The following VPS36 variants were observed in gnomAD, a reference collection of about 807,000 sequenced individuals.
The protein encoded by VPS36 is vacuolar protein sorting 36 homolog.
Under a neutral mutation model 63.5 loss-of-function variants are expected in VPS36, and 31 were observed. The ratio of observed to expected loss-of-function variants is 0.49; its 90% confidence interval spans 0.37 to 0.66. The LOEUF is 0.66. VPS36 is among the 30% of genes least tolerant of loss of function. VPS36 has a pLI of 0.00. For synonymous variants in VPS36, 138 were observed against 157.2 expected, an observed-to-expected ratio of 0.88 and a Z score of 0.91; for missense variants, 338 against 463.7, an observed-to-expected ratio of 0.73 and a Z score of 2.49.
At chr13:52,425,265 A>AC (rs1958090521) in intron 9 of VPS36, among the ~76,000 whole-genome samples, 1 of 152,002 alleles carries the variant, frequency 6.6e-6, no homozygotes, top group Non-Finnish European at 1.5e-5. Context: ...AAAAAAAAAA[A>AC]AAAAAGAAAA....
At chr13:52,424,281 G>A (rs1193305399) in intron 9 of VPS36, among the ~76,000 whole-genome samples, 2 of 152,058 alleles carry the variant, frequency 1.3e-5, no homozygotes, top group Non-Finnish European at 2.9e-5. Flanking sequence ...AATTAAATAA[G>A]ACTATTACCA....
At chr13:52,433,115 A>G (rs1958176946) in intron 6 of VPS36, among the ~76,000 whole-genome samples, 1 of 152,228 alleles carries the variant, frequency 6.6e-6, no homozygotes, top group Non-Finnish European at 1.5e-5. Context: ...TTTTAGCTAG[A>G]GTTCTTTCCC....
At chr13:52,437,226 C>T (rs1958228343) in intron 3 of VPS36, among the ~76,000 whole-genome samples, 1 of 152,006 alleles carries the variant, frequency 6.6e-6, no homozygotes, top group African/African-American at 2.4e-5. Flanking sequence ...ATATGGTTAC[C>T]TAAAGATCAC....
intron 6 of VPS36, among the ~76,000 whole-genome samples, chr13:52,431,762 C>CAAAAAAAA (rs60968712): frequency 1.2e-4 from 8 of 67,924 alleles, no homozygotes; most frequent in Middle Eastern, 7.5e-3. Flanking sequence ...GACTCTGTCT[C>CAAAAAAAA]AAAAAAAAAA....
At chr13:52,418,465 C>G (rs1036569250) in intron 10 of VPS36, among the ~76,000 whole-genome samples, 2 of 150,114 alleles carry the variant, frequency 1.3e-5, no homozygotes, top group Admixed American at 1.3e-4. Context: ...ATCCCAGCTA[C>G]TCGAGAGGCT....
chr13:52,439,308 A>G (rs1436042716), intron 2 of VPS36, 140 bp from the exon 3 acceptor site: 1 of 664,060 alleles, frequency 1.5e-6, no homozygotes, highest in Admixed American at 3.1e-5. Context: ...TTTACTCCTT[A>G]AATGAACTTA....
chr13:52,417,120 G>A lies in VPS36; in HGVS notation c.927C>T (p.Gly309=), dbSNP rs199529310. ...GAGACTGAAGCTCAATTACCATGACGCCACTGTCAAACACACGGAGCCTGA... is the reference window on the plus strand; with the variant it reads ...GAGACTGAAGCTCAATTACCATGACACCACTGTCAAACACACGGAGCCTGA... The part of the protein sequence containing the change: ...LPLRLRVFDS[G]VMVIELQSHK... The change falls in exon 12 of 14, where the codon GGC becomes GGT. Residue 309 remains glycine, a synonymous_variant. Transcript: ENST00000378060. 2.5e-6 allele frequency: 4 copies of A among 1,613,896 alleles called. No individual in the cohort carries two copies. Among genetic ancestry groups the A allele is most frequent in the Admixed American group, 1.7e-5 (1 of 59,992 alleles).
chr13:52,430,418 G>T (rs1958143265), intron 6 of VPS36, among the ~76,000 whole-genome samples: 2 of 152,090 alleles, frequency 1.3e-5, no homozygotes, highest in African/African-American at 4.8e-5. Flanking sequence ...GGATCACGAG[G>T]TCAGGAGTTC....
rs1392932207 is a variant in VPS36 at position 52,415,393 on chromosome 13, T to C, written c.*437A>G. 6.4e-6 allele frequency: 1 copy of C among 156,856 alleles called. No homozygotes were observed. Among genetic ancestry groups the C allele is most frequent in the Admixed American group, 6.3e-5 (1 of 15,810 alleles). The allele number at this position is 156,856 out of a possible 1,614,324, so 9.7% of individuals were successfully genotyped here. ...CTAAAAGCCCTGGGGAGGAGCCTCA[T>C]ATAGCATGCTGCAGTATATTTTGTC... On this transcript the variant is annotated 3_prime_UTR_variant, in exon 14 of 14. Coordinates refer to ENST00000378060, the MANE Select transcript of VPS36 (RefSeq NM_016075.4).
intron 11 of VPS36, 141 bp from the exon 12 acceptor site, chr13:52,417,282 C>A: frequency 6.4e-6 from 4 of 624,908 alleles, no homozygotes; most frequent in Non-Finnish European, 8.4e-6. Context: ...ACATATCAAA[C>A]CCAAGCAACA....
At chr13:52,429,678 C>T (rs142310339) in intron 6 of VPS36, among the ~76,000 whole-genome samples, 16 of 152,250 alleles carry the variant, frequency 1.1e-4, no homozygotes, top group African/African-American at 3.6e-4. Flanking sequence ...GAGCACAATG[C>T]TTATGTAGAA....
intron 10 of VPS36, among the ~76,000 whole-genome samples, chr13:52,420,202 A>G (rs1419650969): frequency 1.3e-5 from 2 of 151,110 alleles, no homozygotes; most frequent in African/African-American, 4.9e-5. Flanking sequence ...AGGTTGTGCC[A>G]CTGCACTCCA....
rs1416975323 is a variant in VPS36 at position 52,423,592 on chromosome 13, GTTTA to G, written c.818_821del (p.Val273AlafsTer14). The G allele has an allele frequency of 6.2e-7, 1 of 1,611,974 alleles. No individual in the cohort carries two copies. Among genetic ancestry groups the G allele is most frequent in the African/African-American group, 1.3e-5 (1 of 74,870 alleles). ...TCCTTACTTCCATTCCTCGAGCTCG[GTTTA>G]CTAAGCAGTACACCTCCGTGAGTGA... On this transcript the variant is annotated frameshift_variant, in exon 10 of 14. Transcript: ENST00000378060. LOFTEE classifies it high-confidence loss of function.
intron 5 of VPS36, among the ~76,000 whole-genome samples, chr13:52,434,157 T>G (rs1958189033): frequency 6.6e-6 from 1 of 152,202 alleles, no homozygotes; most frequent in East Asian, 1.9e-4. Flanking sequence ...TGTCTAGTGT[T>G]GGTGATTAAT....
chr13:52,427,236 A>T lies in VPS36; in HGVS notation c.529-17T>A, dbSNP rs760155993. On this transcript the variant is annotated splice_polypyrimidine_tract_variant and intron_variant, in intron 6 of 13. Transcript: ENST00000378060. ...TTCAAAGGCCTGAAATGAGAAATGA[A>T]TTTTGGTTGAAATCCATCTAAAGAA... The T allele has an allele frequency of 2.2e-5, 36 of 1,612,440 alleles. No individual in the cohort carries two copies. In the Admixed American group the frequency reaches 6.0e-4, roughly 27 times the overall value.
At chr13:52,438,079 T>G (rs995514872) in intron 3 of VPS36, among the ~76,000 whole-genome samples, 3 of 152,218 alleles carry the variant, frequency 2.0e-5, no homozygotes, top group African/African-American at 7.2e-5. Flanking sequence ...GGCATATTAC[T>G]GAAGTCCTCC....
At chr13:52,434,044 A>G (rs1049300565) in intron 5 of VPS36, among the ~76,000 whole-genome samples, 1 of 152,214 alleles carries the variant, frequency 6.6e-6, no homozygotes, top group Non-Finnish European at 1.5e-5. Context: ...GCTATTACGT[A>G]TCAGATACTT....
At chr13:52,421,347 A>T (rs1566083054) in intron 10 of VPS36, among the ~76,000 whole-genome samples, 1 of 152,100 alleles carries the variant, frequency 6.6e-6, no homozygotes, top group Non-Finnish European at 1.5e-5. Context: ...AGAGTAGAAG[A>T]GTGGCTACCA....
At position 52,421,494 on chromosome 13, in the gene VPS36, C is replaced by CT. The variant is rs202049229; in HGVS notation, c.840+2079dup. 2.1e-3 allele frequency among the ~76,000 whole-genome samples: 204 copies of CT among 96,004 alleles called. 2 individuals are homozygous for CT. Among genetic ancestry groups the CT allele is most frequent in the East Asian group, 0.02 (68 of 3,434 alleles). 63.0% of individuals were successfully genotyped at this position (96,004 alleles called of 152,430 possible). A position where few individuals can be genotyped will look rare whatever the true frequency, so the allele number is the denominator to read the frequency against. ...CTAGATAATGGCAATGCAGTGTATT[C>CT]TTTTTTTTTTTTCTGTTTCTGAGTA... On this transcript the variant is annotated intron_variant, in intron 10 of 13. Transcript: ENST00000378060.
Sources: allele counts gnomAD v4.1 joint callset (sites outside exome capture counted in the v4.1 genomes callset), GRCh38; gene constraint gnomAD v4.1.1; transcripts MANE v1.5; gene names NCBI Gene and HGNC (gene_info 2026-07-23, HGNC 2026-07-21).